The following CAMK2D variants were observed in gnomAD, a reference collection of about 807,000 sequenced individuals.
The protein encoded by CAMK2D is calcium/calmodulin-dependent protein kinase type II subunit delta.
Under a neutral mutation model 84.0 loss-of-function variants are expected in CAMK2D, and 37 were observed. That is an observed-to-expected ratio of 0.44 (90% CI 0.34 to 0.58). The LOEUF is 0.58. Ranked by LOEUF, CAMK2D falls within the 20% of genes least tolerant of loss-of-function variation. The pLI is 0.02. For synonymous variants in CAMK2D, 202 were observed against 212.5 expected (o/e 0.95, Z 0.43); for missense variants, 448 against 652.5 (o/e 0.69, Z 3.41).
intron 4 of CAMK2D, among the ~76,000 whole-genome samples, chr4:113,594,150 A>G (rs968846820): frequency 6.6e-5 from 10 of 152,192 alleles, no homozygotes; most frequent in Admixed American, 3.3e-4. Flanking sequence ...GAGGAAGGCC[A>G]CACACATTTA....
chr4:113,487,486 TAAG>T (rs1427825051), intron 16 of CAMK2D, among the ~76,000 whole-genome samples: 1 of 152,110 alleles, frequency 6.6e-6, no homozygotes, highest in Non-Finnish European at 1.5e-5. Flanking sequence ...AATTCATAGT[TAAG>T]AAAAACATAG....
At chr4:113,582,518 A>G (rs1225665373) in intron 4 of CAMK2D, among the ~76,000 whole-genome samples, 2 of 152,224 alleles carry the variant, frequency 1.3e-5, no homozygotes, top group Non-Finnish European at 2.9e-5. Context: ...AAAATTCTGA[A>G]AAATGTACAC....
intron 2 of CAMK2D, among the ~76,000 whole-genome samples, chr4:113,708,944 A>G (rs1316517162): frequency 4.0e-5 from 6 of 151,222 alleles, no homozygotes; most frequent in African/African-American, 1.5e-4. Flanking sequence ...CTGGTCTTGA[A>G]CTCCTGGCCT....
At chr4:113,669,327 T>A (rs2099270277) in intron 2 of CAMK2D, among the ~76,000 whole-genome samples, 1 of 152,126 alleles carries the variant, frequency 6.6e-6, no homozygotes, top group Non-Finnish European at 1.5e-5. Flanking sequence ...ATGGGCATAC[T>A]CTGCTAAGAC....
intron 8 of CAMK2D, among the ~76,000 whole-genome samples, chr4:113,517,969 G>T (rs2098308057): frequency 6.6e-6 from 1 of 152,156 alleles, no homozygotes; most frequent in Admixed American, 6.5e-5. Context: ...TCTATAGAGG[G>T]TCTTACTGCA....
At chr4:113,658,539 AC>A (rs2099212847) in intron 3 of CAMK2D, among the ~76,000 whole-genome samples, 1 of 152,060 alleles carries the variant, frequency 6.6e-6, no homozygotes, top group Non-Finnish European at 1.5e-5. Flanking sequence ...AAACTGGAAT[AC>A]CCCAACACCC....
intron 17 of CAMK2D, among the ~76,000 whole-genome samples, chr4:113,462,584 C>T (rs1255936299): frequency 1.3e-5 from 2 of 152,038 alleles, no homozygotes; most frequent in Admixed American, 6.6e-5. Flanking sequence ...TATAAGTCTC[C>T]ATAGGCAAAG....
At chr4:113,611,473 C>T (rs1193053854) in intron 3 of CAMK2D, among the ~76,000 whole-genome samples, 1 of 152,088 alleles carries the variant, frequency 6.6e-6, no homozygotes. Context: ...TACAATCTGA[C>T]CAGGAGGAAA....
intron 18 of CAMK2D, 93 bp downstream of exon 18, chr4:113,460,054 T>C: frequency 1.3e-6 from 1 of 761,742 alleles, no homozygotes; most frequent in Non-Finnish European, 2.4e-6. Flanking sequence ...AGGTAAAAAC[T>C]CTCATTGTAG....
rs555523828 is a variant in CAMK2D at position 113,630,680 on chromosome 4, A to G, written c.221-21474T>C. 2.6e-5 allele frequency among the ~76,000 whole-genome samples: 4 copies of G among 152,262 alleles called. No individual in the cohort carries two copies. The South Asian group carries it at 8.3e-4, about 32-fold the overall frequency. ...ATTAAATATACTGCTGACTCCTCAA[A>G]CCACAGCCCTCGACCACCACATTCA... On this transcript the variant is annotated intron_variant, in intron 3 of 20. Coordinates refer to ENST00000511664, the MANE Select transcript of CAMK2D (RefSeq NM_001321571.2).
chr4:113,737,285 C>T (rs28404544), intron 2 of CAMK2D, among the ~76,000 whole-genome samples: 19,016 of 152,110 alleles, frequency 0.13, 1,288 homozygotes, highest in East Asian at 0.21. Flanking sequence ...GTTGTATATA[C>T]ATAAAATGAA....
intron 6 of CAMK2D, among the ~76,000 whole-genome samples, chr4:113,546,032 C>T (rs568716997): frequency 2.6e-5 from 4 of 152,102 alleles, no homozygotes; most frequent in Non-Finnish European, 4.4e-5. Context: ...TTAGAGAAGT[C>T]CTGTATTACG....
intron 19 of CAMK2D, 90 bp downstream of exon 19, chr4:113,457,240 TAAATA>T (rs1258671640): frequency 1.9e-5 from 28 of 1,510,876 alleles, no homozygotes; most frequent in Non-Finnish European, 2.2e-5. Context: ...CTACTAGCGT[TAAATA>T]ACATATACCA....
chr4:113,586,185 G>A (rs775021713), intron 4 of CAMK2D, among the ~76,000 whole-genome samples: 13 of 152,140 alleles, frequency 8.5e-5, no homozygotes, highest in Non-Finnish European at 1.8e-4. Flanking sequence ...TTGGTTCAAG[G>A]ATGAACTATA....
chr4:113,526,965 T>C (rs2098423116), intron 8 of CAMK2D, among the ~76,000 whole-genome samples: 1 of 151,840 alleles, frequency 6.6e-6, no homozygotes, highest in Non-Finnish European at 1.5e-5. Context: ...CACTGAAGGT[T>C]TATGATAACC....
intron 2 of CAMK2D, among the ~76,000 whole-genome samples, chr4:113,695,877 C>T (rs1033458138): frequency 6.6e-6 from 1 of 152,106 alleles, no homozygotes; most frequent in Admixed American, 6.6e-5. Context: ...TGATACAGCT[C>T]TTGCTATGAT....
intron 2 of CAMK2D, among the ~76,000 whole-genome samples, chr4:113,669,572 C>G (rs1490016647): frequency 6.6e-6 from 1 of 152,176 alleles, no homozygotes; most frequent in Non-Finnish European, 1.5e-5. Flanking sequence ...TTATACCCTT[C>G]GTAGCTCTAC....
intron 4 of CAMK2D, among the ~76,000 whole-genome samples, chr4:113,608,611 T>C (rs1385068539): frequency 7.2e-5 from 11 of 152,168 alleles, no homozygotes; most frequent in Admixed American, 7.2e-4. Flanking sequence ...TTCCAGAAAG[T>C]ATGTTCTTAT....
chr4:113,684,074 C>G (rs537772531), intron 2 of CAMK2D, among the ~76,000 whole-genome samples: 1 of 152,268 alleles, frequency 6.6e-6, no homozygotes, highest in Admixed American at 6.5e-5. Flanking sequence ...AGAACAGTGC[C>G]TGGCATATAG....
Sources: allele counts gnomAD v4.1 joint callset (sites outside exome capture counted in the v4.1 genomes callset), GRCh38; gene constraint gnomAD v4.1.1; transcripts MANE v1.5; gene names NCBI Gene and HGNC (gene_info 2026-07-23, HGNC 2026-07-21).